The following PCNX1 variants were observed in gnomAD, a reference collection of about 807,000 sequenced individuals.
The protein encoded by PCNX1 is pecanex 1.
PCNX1 carries 78 observed loss-of-function variants against 242.2 expected under a neutral mutation model. That is an observed-to-expected ratio of 0.32 (90% CI 0.27 to 0.39). The LOEUF is 0.39. PCNX1 is among the 10% of genes least tolerant of loss of function. PCNX1 has a pLI of 1.00. For synonymous variants in PCNX1, 1,024 were observed against 1,032.9 expected, an observed-to-expected ratio of 0.99 and a Z score of 0.17; for missense variants, 2,581 against 2,856.5, an observed-to-expected ratio of 0.90 and a Z score of 2.20.
At chr14:71,108,525 A>C in intron 33 of PCNX1, 79 bp from the exon 34 acceptor site, 1 of 1,146,940 alleles carries the variant, frequency 8.7e-7, no homozygotes, top group East Asian at 2.4e-5. Flanking sequence ...TTAGGGGAAA[A>C]AGTCTTAGAA....
intron 11 of PCNX1, among the ~76,000 whole-genome samples, chr14:71,018,003 A>C (rs1170790646): frequency 1.3e-5 from 2 of 152,206 alleles, no homozygotes; most frequent in East Asian, 3.8e-4. Flanking sequence ...TTAAATATGT[A>C]CAAAGTTTTG....
At chr14:71,015,869 T>C (rs1486736388) in intron 11 of PCNX1, among the ~76,000 whole-genome samples, 1 of 151,896 alleles carries the variant, frequency 6.6e-6, no homozygotes, top group Non-Finnish European at 1.5e-5. Context: ...AACACTCAAC[T>C]CCAAGCTGCC....
At chr14:70,925,386 T>C (rs769449970) in intron 1 of PCNX1, among the ~76,000 whole-genome samples, 1 of 152,238 alleles carries the variant, frequency 6.6e-6, no homozygotes, top group South Asian at 2.1e-4. Context: ...GTCTAGTTCC[T>C]TACTTTAATG....
At chr14:71,084,061 G>C (rs188078180) in intron 28 of PCNX1, among the ~76,000 whole-genome samples, 34 of 152,242 alleles carry the variant, frequency 2.2e-4, no homozygotes, top group Non-Finnish European at 2.2e-4. Context: ...GGTTGATGAT[G>C]ATGCTATTCC....
At chr14:70,923,713 G>A (rs1052254232) in intron 1 of PCNX1, among the ~76,000 whole-genome samples, 5 of 152,132 alleles carry the variant, frequency 3.3e-5, no homozygotes, top group Admixed American at 1.3e-4. Context: ...GTAGCTAAGG[G>A]CTTCTTGAGT....
At position 71,110,078 on chromosome 14, in the gene PCNX1, A is replaced by C. The variant is rs1453919241; in HGVS notation, c.*143A>C. On this transcript the variant is annotated 3_prime_UTR_variant, in exon 36 of 36. Transcript: ENST00000304743. ...GAAAATAGAATGAGCTTGGTTAAGC[A>C]CCTCTCCTTTGCCCTTCACCCTGAC... The C allele has an allele frequency of 1.3e-6, 1 of 766,528 alleles. No individual in the cohort carries two copies. The highest frequency in any genetic ancestry group is 2.3e-6 in the Non-Finnish European group (1 of 436,802). The allele number at this position is 766,528 out of a possible 1,614,324, so 47.5% of individuals were successfully genotyped here.
At chr14:71,099,567 G>A (rs1440274474) in intron 30 of PCNX1, among the ~76,000 whole-genome samples, 1 of 152,238 alleles carries the variant, frequency 6.6e-6, no homozygotes, top group Non-Finnish European at 1.5e-5. Context: ...TGGTTGATGG[G>A]TGGAGTATTC....
intron 26 of PCNX1, among the ~76,000 whole-genome samples, chr14:71,061,096 CAG>C (rs1370238986): frequency 6.6e-6 from 1 of 152,146 alleles, no homozygotes; most frequent in Non-Finnish European, 1.5e-5. Context: ...ATTCTGAAAA[CAG>C]ATACTGGAAA....
At chr14:71,022,566 T>G (rs1469159231) in intron 12 of PCNX1, among the ~76,000 whole-genome samples, 1 of 152,146 alleles carries the variant, frequency 6.6e-6, no homozygotes, top group Non-Finnish European at 1.5e-5. Context: ...AATTGTATGG[T>G]ATGCCATTGG....
intron 26 of PCNX1, among the ~76,000 whole-genome samples, chr14:71,068,591 C>CGTGTGTGTGTGTGTGTGTGT (rs373964832): frequency 3.2e-5 from 4 of 124,032 alleles, no homozygotes; most frequent in African/African-American, 1.3e-4. Context: ...TATGTACGTG[C>CGTGTGTGTGTGTGTGTGTGT]GTGTGTGTGT....
chr14:70,929,703 G>A (rs1258107885), intron 1 of PCNX1, among the ~76,000 whole-genome samples: 1 of 152,218 alleles, frequency 6.6e-6, no homozygotes, highest in Non-Finnish European at 1.5e-5. Flanking sequence ...CCTAGGAACA[G>A]CATCATACAG....
intron 8 of PCNX1, among the ~76,000 whole-genome samples, chr14:71,002,350 T>C (rs2059530960): frequency 6.6e-6 from 1 of 152,152 alleles, no homozygotes; most frequent in Non-Finnish European, 1.5e-5. Context: ...TTTATTTTCT[T>C]GTTTCTTCAT....
intron 2 of PCNX1, among the ~76,000 whole-genome samples, chr14:70,958,121 T>C (rs142312031): frequency 1.3e-4 from 20 of 152,348 alleles, no homozygotes; most frequent in African/African-American, 4.8e-4. Flanking sequence ...AGACAGCTTA[T>C]AAACATGAAC....
At chr14:70,908,861 T>C (rs2055697943) in intron 1 of PCNX1, among the ~76,000 whole-genome samples, 1 of 152,162 alleles carries the variant, frequency 6.6e-6, no homozygotes, top group South Asian at 2.1e-4. Context: ...ATCTGTGTTT[T>C]TAAAGCAACA....
chr14:70,995,552 A>C (rs2059324104), intron 7 of PCNX1, among the ~76,000 whole-genome samples, 189 bp from the exon 8 acceptor site: 1 of 152,196 alleles, frequency 6.6e-6, no homozygotes, highest in Non-Finnish European at 1.5e-5. Flanking sequence ...CTTCAAATCA[A>C]ATTTGTAAGG....
At chr14:71,027,979 T>C (rs1026426660) in intron 15 of PCNX1, among the ~76,000 whole-genome samples, 5 of 151,890 alleles carry the variant, frequency 3.3e-5, no homozygotes, top group African/African-American at 1.2e-4. Context: ...GTTTCTGATA[T>C]CTCATAAGGA....
chr14:71,063,883 T>C (rs1309347631), intron 26 of PCNX1, among the ~76,000 whole-genome samples: 8 of 152,202 alleles, frequency 5.3e-5, no homozygotes, highest in African/African-American at 1.4e-4. Flanking sequence ...ATGTAAACTT[T>C]ATGTGAAAAA....
chr14:71,002,338 T>C (rs1397485424), intron 8 of PCNX1, among the ~76,000 whole-genome samples: 2 of 152,068 alleles, frequency 1.3e-5, no homozygotes, highest in African/African-American at 4.8e-5. Context: ...ACCTGGTCAG[T>C]CTTTATTTTC....
At position 71,108,872 on chromosome 14, in the gene PCNX1, G is replaced by A. The variant is rs2062694620; in HGVS notation, c.6570G>A (p.Leu2190=). Residue 2190 remains leucine (L), a synonymous_variant, in exon 34 of 36, where the codon CTG becomes CTA. Coordinates refer to ENST00000304743, the MANE Select transcript of PCNX1 (RefSeq NM_014982.3). ...GCCTGGCCTGTGTGCAGCACGGCCT[G>A]CCTTCCTCCAGCAGCTCCAGCCAAA... ...QSGLACVQHG[L]PSSSSSSQSI... 1.9e-6 allele frequency: 3 copies of A among 1,614,100 alleles called. No individual in the cohort carries two copies. The highest frequency in any genetic ancestry group is 2.5e-6 in the Non-Finnish European group (3 of 1,180,056).
Sources: gnomAD v4.1 joint callset for allele counts (sites outside exome capture counted in the v4.1 genomes callset) on GRCh38, gnomAD v4.1.1 for gene constraint, MANE v1.5 for transcripts, NCBI Gene and HGNC (gene_info 2026-07-23, HGNC 2026-07-21) for gene names.